Variants in TPP1 observed in about 807,000 individuals in gnomAD.
TPP1 encodes tripeptidyl peptidase 1.
TPP1 carries 43 observed loss-of-function variants against 67.6 expected under a neutral mutation model. The ratio of observed to expected loss-of-function variants is 0.64; its 90% confidence interval spans 0.50 to 0.82. TPP1 has a LOEUF of 0.82. Ranked by LOEUF, TPP1 falls within the 40% of genes least tolerant of loss-of-function variation. The pLI, the probability that TPP1 is intolerant of heterozygous loss-of-function variation, is 0.00. For synonymous variants in TPP1, 272 were observed against 281.5 expected (o/e 0.97, Z 0.34); for missense variants, 671 against 710.9 (o/e 0.94, Z 0.64).
In TPP1 at chr11:6,616,054, A is replaced by G. The variant is rs781062347; in HGVS notation, c.1096T>C (p.Trp366Arg). Residue 366 changes from tryptophan (W) to arginine (R), a missense_variant, in exon 9 of 13, where the codon TGG (tryptophan) becomes CGG (arginine). Trp to Arg is a moderately radical substitution (Grantham distance 101). Coordinates refer to ENST00000299427, the MANE Select transcript of TPP1 (RefSeq NM_000391.4). ...FASGDSGAGC[W>R]SVSGRHQFRP... ...AACTGGTGTCTTCCAGAGACAGACC[A>G]ACACCCGGCCCCACTGTCACCTGAG... The G allele has an allele frequency of 6.2e-7, 1 of 1,614,214 alleles. No homozygotes were observed. Among genetic ancestry groups the G allele is most frequent in the Non-Finnish European group, 8.5e-7 (1 of 1,180,026 alleles).
At chr11:6,618,456 G>A in intron 3 of TPP1, 1 of 560,944 alleles carries the variant, frequency 1.8e-6, no homozygotes, top group South Asian at 2.1e-5. Flanking sequence ...ACGGCAAGAA[G>A]GAGATTAATC....
Position 6,614,967 on chromosome 11 carries a change from T to TC in TPP1, c.1449dup (p.Ile484AspfsTer7), listed in dbSNP as rs1057516264. 1.9e-6 allele frequency: 3 copies of TC among 1,613,852 alleles called. No individual in the cohort carries two copies. Among genetic ancestry groups the TC allele is most frequent in the Non-Finnish European group, 2.5e-6 (3 of 1,179,980 alleles). On this transcript the variant is annotated frameshift_variant, in exon 12 of 13. Coordinates refer to ENST00000299427, the MANE Select transcript of TPP1 (RefSeq NM_000391.4). LOFTEE classifies it high-confidence loss of function. Reference sequence around the variant, plus strand: ...CTGTGCTCATTGATCAAGGATAGGATCCCCCCAAACACTGGAGTAGAGGCC... The same window carrying TC: ...CTGTGCTCATTGATCAAGGATAGGATCCCCCCCAAACACTGGAGTAGAGGCC...
In TPP1 at chr11:6,616,385, G is replaced by A. The variant is rs1855585146; in HGVS notation, c.1005C>T (p.Ala335=). 1.2e-6 allele frequency: 2 copies of A among 1,614,016 alleles called. No homozygotes were observed. The highest frequency in any genetic ancestry group is 8.5e-7 in the Non-Finnish European group (1 of 1,180,040). Residue 335 remains alanine (A), a synonymous_variant, in exon 8 of 13, where the codon GCC becomes GCT. Coordinates refer to ENST00000299427, the MANE Select transcript of TPP1 (RefSeq NM_000391.4). ...YGDDEDSLSS[A]YIQRVNTELM... is the part of the protein sequence containing the mutation. ...GCTCAGTGTTGACCCGCTGGATGTAGGCGCTGCTGAGGGAGTCCTCATCAT... is the reference window on the plus strand; with the variant it reads ...GCTCAGTGTTGACCCGCTGGATGTAAGCGCTGCTGAGGGAGTCCTCATCAT...
At position 6,617,092 on chromosome 11, in the gene TPP1, C is replaced by T; in HGVS notation, c.570G>A (p.Val190=). The T allele has an allele frequency of 6.2e-7, 1 of 1,614,182 alleles. No individual in the cohort carries two copies. The highest frequency in any genetic ancestry group is 8.5e-7 in the Non-Finnish European group (1 of 1,180,020). Reference sequence around the variant, plus strand: ...CCAGATGCAGGCCTACAGTCCCTGTCACCTGCGGCTCAGGACGTTGCCTCA... The same window carrying T: ...CCAGATGCAGGCCTACAGTCCCTGTTACCTGCGGCTCAGGACGTTGCCTCA... The part of the protein sequence containing the change: ...SSLRQRPEPQ[V]TGTVGLHLGV... Residue 190 remains valine (V), a synonymous_variant, in exon 6 of 13, where the codon GTG becomes GTA. Transcript: ENST00000299427.
At position 6,614,456 on chromosome 11, in the gene TPP1, G is replaced by T; in HGVS notation, c.*90C>A. 1.9e-6 allele frequency: 3 copies of T among 1,572,496 alleles called. No individual in the cohort carries two copies. The highest frequency in any genetic ancestry group is 2.6e-6 in the Non-Finnish European group (3 of 1,145,464). ...CTGTCTGCAGCAGTCAATAGTTGAGGGTTCAGCAGGGCTTCCAACAGGGCA... is the reference window on the plus strand; with the variant it reads ...CTGTCTGCAGCAGTCAATAGTTGAGTGTTCAGCAGGGCTTCCAACAGGGCA... On this transcript the variant is annotated 3_prime_UTR_variant, in exon 13 of 13. Transcript: ENST00000299427.
In TPP1 at chr11:6,614,523, C is replaced by A. The variant is rs1302756434; in HGVS notation, c.*23G>T. The A allele has an allele frequency of 1.2e-6, 2 of 1,614,148 alleles. No homozygotes were observed. Among genetic ancestry groups the A allele is most frequent in the Admixed American group, 3.3e-5 (2 of 60,024 alleles). ...TGCCAGCTTCAGGGCAGGGGACAAG[C>A]CATCTCTCCTGATAGGAAAGGGTCA... On this transcript the variant is annotated 3_prime_UTR_variant, in exon 13 of 13. Transcript: ENST00000299427.
Position 6,616,840 on chromosome 11 carries a change from T to C in TPP1, c.707A>G (p.His236Arg), listed in dbSNP as rs1386268312. ...ACAQFLEQYF[H>R]DSDLAQFMRL... ...CATGAACTGAGCCAGGTCTGAGTCATGGAAATACTGCTCCAGGAACTATGG... is the reference window on the plus strand; with the variant it reads ...CATGAACTGAGCCAGGTCTGAGTCACGGAAATACTGCTCCAGGAACTATGG... Residue 236 changes from histidine (H) to arginine (R), a missense_variant, in exon 7 of 13, where the codon CAT becomes CGT. Physicochemically the swap from His to Arg is conservative, Grantham distance 29 (BLOSUM62 0). Coordinates refer to ENST00000299427, the MANE Select transcript of TPP1 (RefSeq NM_000391.4). 2 of 1,613,708 alleles carry C rather than the reference T, an allele frequency of 1.2e-6. No individual in the cohort carries two copies. The highest frequency in any genetic ancestry group is 8.5e-7 in the Non-Finnish European group (1 of 1,179,978).
At chr11:6,619,316 T>C in intron 1 of TPP1, 49 bp from the exon 2 acceptor site, 1 of 1,613,978 alleles carries the variant, frequency 6.2e-7, no homozygotes, top group Non-Finnish European at 8.5e-7. Flanking sequence ...TGTCCTTGTG[T>C]TCCCACCCTC....
chr11:6,617,838 G>A (rs1855610374), intron 3 of TPP1, 62 bp from the exon 4 acceptor site: 1 of 1,611,152 alleles, frequency 6.2e-7, no homozygotes, highest in Non-Finnish European at 8.5e-7. Context: ...CCCCCTTTTG[G>A]ACCTCAACTA....
chr11:6,618,593 A>G, intron 3 of TPP1, 183 bp downstream of exon 3: 2 of 773,046 alleles, frequency 2.6e-6, no homozygotes, highest in Non-Finnish European at 4.2e-6. Context: ...TAAGTAGCAG[A>G]GTCAGAATTT....
chr11:6,616,740 G>C lies in TPP1; in HGVS notation c.807C>G (p.Ala269=). The change falls in exon 7 of 13, where the codon GCC becomes GCG. Residue 269 remains alanine (A), a synonymous_variant. Transcript: ENST00000299427. ...RVVGQQGRGR[A]GIEASLDVQY... The stretch of plus-strand genomic sequence containing the variant: ...GCACATCTAGACTGGCCTCAATCCC[G>C]GCCCGGCCCCGGCCCTGTTGTCCAA... The C allele has an allele frequency of 6.2e-7, 1 of 1,614,000 alleles. No homozygotes were observed. The highest frequency in any genetic ancestry group is 8.5e-7 in the Non-Finnish European group (1 of 1,179,994).
chr11:6,618,062 A>G, intron 3 of TPP1: 1 of 470,418 alleles, frequency 2.1e-6, no homozygotes, highest in Admixed American at 3.6e-5. Context: ...GTTAATACAT[A>G]TAAATTTTCC....
rs140809393 is a variant in TPP1 at position 6,616,064 on chromosome 11, C to T, written c.1086G>A (p.Gly362=). ...LTLLFASGDS[G]AGCWSVSGRH... ...TTCCAGAGACAGACCAACACCCGGC[C>T]CCACTGTCACCTGAGAGAGACCAAG... is the stretch of plus-strand genomic sequence containing the variant. Residue 362 remains glycine (G), a synonymous_variant, in exon 9 of 13, where the codon GGG becomes GGA. Coordinates refer to ENST00000299427, the MANE Select transcript of TPP1 (RefSeq NM_000391.4). 66 of 1,614,154 alleles carry T rather than the reference C, an allele frequency of 4.1e-5. No individual in the cohort carries two copies. The African/African-American group carries it at 7.1e-4, about 17-fold the overall frequency.
chr11:6,616,275 A>G (rs756079225), intron 8 of TPP1, 40 bp downstream of exon 8: 89 of 1,612,396 alleles, frequency 5.5e-5, no homozygotes, highest in Admixed American at 4.5e-4. Flanking sequence ...CCCAGGCTGC[A>G]GAGGTGTAAG....
intron 5 of TPP1, 67 bp from the exon 6 acceptor site, chr11:6,617,220 C>G (rs762702090): frequency 1.9e-6 from 3 of 1,613,646 alleles, no homozygotes. Flanking sequence ...ACTCACCCCA[C>G]CCCCAGTCCC....
At chr11:6,616,232 A>C in intron 8 of TPP1, 83 bp downstream of exon 8, 1 of 1,602,374 alleles carries the variant, frequency 6.2e-7, no homozygotes. Context: ...TGAGTCAGAG[A>C]CCAGGCTCAG....
rs1855590848 is a variant in TPP1, at chr11:6,616,701, A to G, written c.846T>C (p.Ser282=). The change falls in exon 7 of 13, where the codon AGT becomes AGC. Residue 282 remains serine, a synonymous_variant. Transcript: ENST00000299427. ...CCCAGGTGGAGATGTTGGCACCAGC[A>G]CTCATCAGGTACTGCACATCTAGAC... is the stretch of plus-strand genomic sequence containing the variant. The part of the protein sequence containing the change: ...EASLDVQYLM[S]AGANISTWVY... 1 of 1,613,798 alleles carries G rather than the reference A, an allele frequency of 6.2e-7. No homozygotes were observed. The highest frequency in any genetic ancestry group is 1.7e-5 in the Admixed American group (1 of 59,984).
chr11:6,617,898 G>A (rs903532925), intron 3 of TPP1, 122 bp from the exon 4 acceptor site: 13 of 1,343,608 alleles, frequency 9.7e-6, no homozygotes, highest in African/African-American at 4.3e-5. Flanking sequence ...GGAGGGCTAT[G>A]TGTGCAGGTG....
chr11:6,613,364 G>A lies in TPP1; in HGVS notation c.*1182C>T, dbSNP rs1589946846. 2 of 152,168 alleles carry A rather than the reference G, an allele frequency of 1.3e-5. No individual in the cohort carries two copies. The highest frequency in any genetic ancestry group is 6.5e-5 in the Admixed American group (1 of 15,274). The allele number at this position is 152,168 out of a possible 1,614,324, so 9.4% of individuals were successfully genotyped here. A position where few individuals can be genotyped will look rare whatever the true frequency, so the allele number is the denominator to read the frequency against. On this transcript the variant is annotated 3_prime_UTR_variant, in exon 13 of 13. Coordinates refer to ENST00000299427, the MANE Select transcript of TPP1 (RefSeq NM_000391.4). ...AGTTCCTTGGGGTTTGGGGAGGGAG[G>A]AGGAAAAATGATTTTTTACTTAAGA...
Sources: gnomAD v4.1 joint callset for allele counts on GRCh38, gnomAD v4.1.1 for gene constraint, MANE v1.5 for transcripts, NCBI Gene and HGNC (gene_info 2026-07-23, HGNC 2026-07-21) for gene names.